LRBA: variants seen among roughly 807,000 people sequenced by gnomAD.
LRBA encodes lipopolysaccharide-responsive and beige-like anchor protein.
Under a neutral mutation model 330.0 loss-of-function variants are expected in LRBA, and 176 were observed. The observed-to-expected ratio is 0.53, with a 90% CI of 0.47 to 0.60. The LOEUF (loss-of-function observed/expected upper bound fraction) is 0.60. Ranked by LOEUF, LRBA falls within the 20% of genes least tolerant of loss-of-function variation. The pLI is 0.00. For missense variants in LRBA, 3,259 were observed against 3,444.8 expected (o/e 0.95, Z 1.35); for synonymous variants, 1,230 against 1,193.0 (o/e 1.03, Z -0.64).
chr4:151,009,809 T>C (rs1744594436), intron 2 of LRBA, among the ~76,000 whole-genome samples: 1 of 151,400 alleles, frequency 6.6e-6, no homozygotes. Context: ...TTAAACCCTG[T>C]CTCTACTAAA....
chr4:150,439,429 C>T lies in LRBA; in HGVS notation c.6781-2565G>A, dbSNP rs370129743. Among the ~76,000 whole-genome samples the T allele has an allele frequency of 6.8e-4, 103 of 152,000 alleles. 1 individual carries two copies. The highest frequency in any genetic ancestry group is 2.8e-3 in the Admixed American group (42 of 15,246). On this transcript the variant is annotated intron_variant, in intron 44 of 56. Coordinates refer to ENST00000651943, the MANE Select transcript of LRBA (RefSeq NM_001364905.1). ...TGTTACAGTTGGTTTCTGAAGCCTG[C>T]TATACGACAGCTATCAAGACATACC...
chr4:150,717,729 TA>T (rs201155953), intron 36 of LRBA, among the ~76,000 whole-genome samples: 19 of 124,786 alleles, frequency 1.5e-4, no homozygotes, highest in Admixed American at 3.2e-4. Context: ...CTTTATTTAA[TA>T]AAAAAAAATA....
rs35571039 is a variant in LRBA at position 150,963,019 on chromosome 4, T to TA, written c.217-33955dup. Among the ~76,000 whole-genome samples, 1,370 of 141,254 alleles carry TA rather than the reference T, an allele frequency of 9.7e-3. 152 individuals are homozygous for TA. Among genetic ancestry groups the TA allele is most frequent in the African/African-American group, 0.034 (1,190 of 35,052 alleles). The allele number at this position is 141,254 out of a possible 152,430, so 92.7% of individuals were successfully genotyped here. On this transcript the variant is annotated intron_variant, in intron 2 of 56. Transcript: ENST00000651943. Reference sequence around the variant, plus strand: ...TAAAATAAAATAAAAAGCTTTTTATTAAAAAAAAAAACACCACTAGTCAAG... The same window carrying TA: ...TAAAATAAAATAAAAAGCTTTTTATTAAAAAAAAAAAACACCACTAGTCAAG...
rs541700109 is a variant in LRBA, at chr4:150,739,374, C to T, written c.5646-4008G>A. Among the ~76,000 whole-genome samples, 14 of 151,946 alleles carry T rather than the reference C, an allele frequency of 9.2e-5. No homozygotes were observed. In the South Asian group the frequency reaches 2.1e-3, roughly 23 times the overall value. On this transcript the variant is annotated intron_variant, in intron 35 of 56. Transcript: ENST00000651943. ...CATATTAAAAAAAACAGGCAAAATGCGGGGTCACAAAGCAATTTACAGTGA... is the reference window on the plus strand; with the variant it reads ...CATATTAAAAAAAACAGGCAAAATGTGGGGTCACAAAGCAATTTACAGTGA...
At chr4:150,909,022 T>C (rs977819466) in intron 9 of LRBA, among the ~76,000 whole-genome samples, 165 bp from the exon 10 acceptor site, 3 of 152,198 alleles carry the variant, frequency 2.0e-5, no homozygotes, top group African/African-American at 7.2e-5. Flanking sequence ...TTTAAAGATA[T>C]AATGGAAATC....
chr4:150,512,829 G>A (rs1761972719), intron 40 of LRBA, among the ~76,000 whole-genome samples: 1 of 151,826 alleles, frequency 6.6e-6, no homozygotes, highest in Non-Finnish European at 1.5e-5. Context: ...AAAGGGAACA[G>A]GTAATAAAAA....
In LRBA at chr4:150,398,649, C is replaced by CA. The variant is rs368622096; in HGVS notation, c.7194+16788dup. 8.6e-3 allele frequency among the ~76,000 whole-genome samples: 1,291 copies of CA among 150,004 alleles called. 16 individuals carry two copies. The highest frequency in any genetic ancestry group is 0.03 in the African/African-American group (1,228 of 40,952). On this transcript the variant is annotated intron_variant, in intron 47 of 56. Coordinates refer to ENST00000651943, the MANE Select transcript of LRBA (RefSeq NM_001364905.1). ...TCTTTCTTTCTTTTTTTTTTTGAGA[C>CA]AAGGTCTTGCTCTGTCACCCAGGCT...
At chr4:150,974,660 T>C (rs1739949105) in intron 2 of LRBA, among the ~76,000 whole-genome samples, 1 of 152,164 alleles carries the variant, frequency 6.6e-6, no homozygotes, top group Admixed American at 6.5e-5. Flanking sequence ...CTGGCTACAG[T>C]GCTGACAGAA....
At chr4:150,554,613 G>A (rs1041807200) in intron 40 of LRBA, among the ~76,000 whole-genome samples, 2 of 151,958 alleles carry the variant, frequency 1.3e-5, no homozygotes, top group African/African-American at 4.8e-5. Flanking sequence ...CTAAAGTATA[G>A]AAAGATGCTA....
intron 2 of LRBA, among the ~76,000 whole-genome samples, chr4:150,949,742 G>A (rs1736625141): frequency 7.9e-6 from 1 of 125,890 alleles, no homozygotes; most frequent in Non-Finnish European, 1.7e-5. Context: ...AGAAAAATGA[G>A]AGCCAAATTA....
chr4:150,270,950 A>G (rs1454275482), intron 56 of LRBA, among the ~76,000 whole-genome samples: 1 of 152,210 alleles, frequency 6.6e-6, no homozygotes, highest in Non-Finnish European at 1.5e-5. Context: ...TCTGGTCTGC[A>G]GCTCCCAGTG....
intron 37 of LRBA, among the ~76,000 whole-genome samples, chr4:150,680,682 C>T (rs1439403074): frequency 1.6e-4 from 24 of 152,076 alleles, no homozygotes; most frequent in Admixed American, 1.6e-3. Context: ...CTTTTTTCCC[C>T]GGCTTGCAGT....
At chr4:150,495,909 T>A (rs1759537153) in intron 40 of LRBA, among the ~76,000 whole-genome samples, 1 of 152,228 alleles carries the variant, frequency 6.6e-6, no homozygotes, top group Non-Finnish European at 1.5e-5. Flanking sequence ...TTTGAATGTT[T>A]ACCACCTTGT....
intron 2 of LRBA, among the ~76,000 whole-genome samples, chr4:150,974,868 C>T (rs535044320): frequency 6.6e-6 from 1 of 151,644 alleles, no homozygotes; most frequent in Non-Finnish European, 1.5e-5. Context: ...ATACACAGGA[C>T]AAACCCAAAA....
intron 37 of LRBA, among the ~76,000 whole-genome samples, chr4:150,631,637 A>G (rs1035806748): frequency 1.3e-5 from 2 of 152,212 alleles, no homozygotes; most frequent in Non-Finnish European, 2.9e-5. Flanking sequence ...ATTAACACTG[A>G]GTTAATACTG....
At chr4:150,577,000 G>A (rs946375956) in intron 40 of LRBA, among the ~76,000 whole-genome samples, 1 of 151,850 alleles carries the variant, frequency 6.6e-6, no homozygotes, top group African/African-American at 2.4e-5. Flanking sequence ...CAGCATGCTT[G>A]ACCATATAAA....
chr4:150,496,813 C>T (rs1038650669), intron 40 of LRBA, among the ~76,000 whole-genome samples: 1 of 151,958 alleles, frequency 6.6e-6, no homozygotes, highest in African/African-American at 2.4e-5. Flanking sequence ...CACAACAGAA[C>T]CATCTCCAAA....
At chr4:150,819,641 T>C (rs1276677854) in intron 30 of LRBA, among the ~76,000 whole-genome samples, 3 of 152,126 alleles carry the variant, frequency 2.0e-5, no homozygotes, top group African/African-American at 7.2e-5. Context: ...TCTGTATGCC[T>C]GAACATTTTC....
intron 53 of LRBA, among the ~76,000 whole-genome samples, chr4:150,297,732 T>C (rs1037329335): frequency 2.0e-4 from 30 of 152,234 alleles, no homozygotes; most frequent in African/African-American, 7.0e-4. Context: ...TCCTCAACGG[T>C]AACTTATTGA....
Sources: gnomAD v4.1 joint callset for allele counts (sites outside exome capture counted in the v4.1 genomes callset) on GRCh38, gnomAD v4.1.1 for gene constraint, MANE v1.5 for transcripts, NCBI Gene and HGNC (gene_info 2026-07-23, HGNC 2026-07-21) for gene names.